WWC1: variants seen among roughly 807,000 people sequenced by gnomAD.
WWC1 encodes WW and C2 domain containing 1, also known as protein KIBRA.
WWC1 carries 55 observed loss-of-function variants against 138.4 expected under a neutral mutation model. The observed-to-expected ratio is 0.40, with a 90% CI of 0.32 to 0.50. WWC1 has a LOEUF of 0.50. Among genes scored for constraint, WWC1 ranks in the 20% least tolerant of loss-of-function variants. The pLI is 0.72. For missense variants in WWC1, 1,226 were observed against 1,420.4 expected (o/e 0.86, Z 2.20); for synonymous variants, 524 against 564.9 (o/e 0.93, Z 1.03).
chr5:168,341,548 C>A (rs927383580), intron 1 of WWC1, among the ~76,000 whole-genome samples: 6 of 152,236 alleles, frequency 3.9e-5, no homozygotes, highest in African/African-American at 1.4e-4. Flanking sequence ...AAATTCCCAT[C>A]CCTGCCTCTC....
Position 168,423,797 on chromosome 5 carries a change from G to C in WWC1, c.1539G>C (p.Glu513Asp). 1.2e-6 allele frequency: 2 copies of C among 1,614,142 alleles called. No homozygotes were observed. The highest frequency in any genetic ancestry group is 1.6e-4 in the Middle Eastern group (1 of 6,062). ...AGGTGGCCAAGACCCAGAAGGCAGAGGGAGGTGGCCGCCTGCAGGCTCTGC... is the reference window on the plus strand; with the variant it reads ...AGGTGGCCAAGACCCAGAAGGCAGACGGAGGTGGCCGCCTGCAGGCTCTGC... ...EDEVAKTQKA[E>D]GGGRLQALRS... Residue 513 changes from glutamate to aspartate, a missense_variant, in exon 11 of 23, where the codon GAG becomes GAC. Around this residue, in one of 3 missense-constraint regions of WWC1, gnomAD observed 1,016 missense variants for 1,153.9 expected, o/e 0.88. Transcript: ENST00000265293.
intron 1 of WWC1, among the ~76,000 whole-genome samples, chr5:168,353,693 G>T (rs773135113): frequency 2.0e-5 from 3 of 152,258 alleles, no homozygotes; most frequent in Admixed American, 6.5e-5. Flanking sequence ...TGAAGCCTTA[G>T]TGTCCTCCAC....
intron 1 of WWC1, among the ~76,000 whole-genome samples, chr5:168,358,800 G>A (rs1022158158): frequency 7.4e-5 from 11 of 148,468 alleles, no homozygotes; most frequent in African/African-American, 2.7e-4. Flanking sequence ...ATATATATAT[G>A]TACACATACA....
At chr5:168,403,023 T>C (rs1779446948) in intron 5 of WWC1, among the ~76,000 whole-genome samples, 1 of 115,620 alleles carries the variant, frequency 8.6e-6, no homozygotes, top group Admixed American at 8.6e-5. Flanking sequence ...TCTTTCTTTC[T>C]TTCTTTCTTT....
At chr5:168,303,703 T>C (rs1333815547) in intron 1 of WWC1, among the ~76,000 whole-genome samples, 2 of 152,102 alleles carry the variant, frequency 1.3e-5, no homozygotes, top group African/African-American at 2.4e-5. Context: ...AGAATTTGTA[T>C]TTTCATGGCC....
At chr5:168,369,957 G>C (rs141051281) in intron 1 of WWC1, among the ~76,000 whole-genome samples, 2 of 138,892 alleles carry the variant, frequency 1.4e-5, no homozygotes, top group Non-Finnish European at 1.5e-5. Flanking sequence ...CTGGAGTGCA[G>C]TAGTGTGATC....
intron 20 of WWC1, among the ~76,000 whole-genome samples, chr5:168,461,250 T>TA (rs1161341682): frequency 6.6e-6 from 1 of 151,286 alleles, no homozygotes; most frequent in Non-Finnish European, 1.5e-5. Flanking sequence ...GAGAATCGCT[T>TA]AAACGCAGGA....
At chr5:168,452,614 T>G (rs966431039) in intron 17 of WWC1, among the ~76,000 whole-genome samples, 1 of 152,236 alleles carries the variant, frequency 6.6e-6, no homozygotes, top group Non-Finnish European at 1.5e-5. Flanking sequence ...AGTGGTGTTT[T>G]AGTTTTGCAA....
Position 168,460,719 on chromosome 5 carries a change from C to T in WWC1, c.2893C>T (p.Arg965Ter). The change falls in exon 20 of 23, where the codon CGA becomes TGA. Residue 965 changes from arginine (R) to a stop codon, truncating the protein, a stop_gained. Coordinates refer to ENST00000265293, the MANE Select transcript of WWC1 (RefSeq NM_015238.3). LOFTEE classifies it high-confidence loss of function. Reference sequence around the variant, plus strand: ...ACCTTTTGTTCGAAACTCCCTGGAGCGACGCAGCGTCCGGATGAAGCGGGT... The same window carrying T: ...ACCTTTTGTTCGAAACTCCCTGGAGTGACGCAGCGTCCGGATGAAGCGGGT... Reference protein sequence around the residue: ...KPPFVRNSLERRSVRMKRPSS... With the variant: ...KPPFVRNSLE The T allele has an allele frequency of 6.2e-7, 1 of 1,614,126 alleles. No individual in the cohort carries two copies. The highest frequency in any genetic ancestry group is 8.5e-7 in the Non-Finnish European group (1 of 1,180,026).
Position 168,352,573 on chromosome 5 carries a change from T to TTA in WWC1, c.120-18840_120-18839dup, listed in dbSNP as rs941099830. 5.9e-4 allele frequency among the ~76,000 whole-genome samples: 89 copies of TTA among 150,220 alleles called. 2 individuals are homozygous for TTA. The highest frequency in any genetic ancestry group is 2.0e-4 in the Admixed American group (3 of 15,134). ...CCTTAGTTTTCATCTGAAATGAGGA[T>TTA]TATATATATATAATTTTTTTTTTTT... On this transcript the variant is annotated intron_variant, in intron 1 of 22. Coordinates refer to ENST00000265293, the MANE Select transcript of WWC1 (RefSeq NM_015238.3).
rs113039268 is a variant in WWC1, at chr5:168,302,452, G to A, written c.119+10181G>A. On this transcript the variant is annotated intron_variant, in intron 1 of 22. Coordinates refer to ENST00000265293, the MANE Select transcript of WWC1 (RefSeq NM_015238.3). ...ATCGCATTATGACTGGGGGTTTGAT[G>A]TTCTCTAGAGCTCTTTTAGGAAGGT... Among the ~76,000 whole-genome samples the A allele has an allele frequency of 4.2e-3, 635 of 152,262 alleles. 3 individuals carry two copies. The highest frequency in any genetic ancestry group is 0.024 in the Middle Eastern group (7 of 294).
intron 7 of WWC1, 120 bp downstream of exon 7, chr5:168,408,773 C>G: frequency 7.3e-7 from 1 of 1,371,918 alleles, no homozygotes; most frequent in Non-Finnish European, 1.0e-6. Context: ...CTCTGCAGGG[C>G]TGGCTGCTGC....
At chr5:168,408,734 A>G (rs1780002885) in intron 7 of WWC1, 81 bp downstream of exon 7, 2 of 1,567,820 alleles carry the variant, frequency 1.3e-6, no homozygotes, top group Middle Eastern at 1.7e-4. Context: ...CTGCCTTCTC[A>G]TGGCTCACCA....
At position 168,470,070 on chromosome 5, in the gene WWC1, C is replaced by T. The variant is rs1757607650; in HGVS notation, c.*1053C>T. 0.016 allele frequency: 5 copies of T among 306 alleles called. No individual in the cohort carries two copies. In the South Asian group the frequency reaches 0.31, roughly 19 times the overall value. The allele number at this position is 306 out of a possible 1,614,324, so 0.0% of individuals were successfully genotyped here. On this transcript the variant is annotated 3_prime_UTR_variant, in exon 23 of 23. Coordinates refer to ENST00000265293, the MANE Select transcript of WWC1 (RefSeq NM_015238.3). ...GCATCATCCCATGTCGTCCCCAACC[C>T]AGGGGCTGGTAGGTGCTACAGCTTG...
chr5:168,348,802 C>T (rs1002739459), intron 1 of WWC1, among the ~76,000 whole-genome samples: 2 of 152,092 alleles, frequency 1.3e-5, no homozygotes, highest in African/African-American at 4.8e-5. Context: ...GTATCCAGCC[C>T]CCACACTGCA....
In WWC1 at chr5:168,469,054, G is replaced by A; in HGVS notation, c.*37G>A. On this transcript the variant is annotated 3_prime_UTR_variant, in exon 23 of 23. Coordinates refer to ENST00000265293, the MANE Select transcript of WWC1 (RefSeq NM_015238.3). ...GTATTTCCTTTGTTCCACTGACCAGGCTGTGAACATTGACTGTGGCTAAAG... is the reference window on the plus strand; with the variant it reads ...GTATTTCCTTTGTTCCACTGACCAGACTGTGAACATTGACTGTGGCTAAAG... The A allele has an allele frequency of 1.2e-6, 2 of 1,611,478 alleles. No individual in the cohort carries two copies. The highest frequency in any genetic ancestry group is 1.7e-6 in the Non-Finnish European group (2 of 1,177,632).
rs750795143 is a variant in WWC1, at chr5:168,464,750, C to T, written c.2938C>T (p.Arg980Cys). 13 of 1,614,044 alleles carry T rather than the reference C, an allele frequency of 8.1e-6. No homozygotes were observed. The highest frequency in any genetic ancestry group is 3.3e-5 in the Admixed American group (2 of 60,008). ...ACAGCCTTCCTCGGTCAAGTCGCTG[C>T]GCTCCGAGCGTCTGATCCGTACCTC... ...MKRPSSVKSL[R>C]SERLIRTSLD... Residue 980 changes from arginine to cysteine, a missense_variant, in exon 21 of 23, where the codon CGC becomes TGC. Transcript: ENST00000265293.
chr5:168,368,853 C>T (rs963169876), intron 1 of WWC1, among the ~76,000 whole-genome samples: 4 of 152,146 alleles, frequency 2.6e-5, no homozygotes, highest in East Asian at 1.9e-4. Context: ...AGGGTGGTGG[C>T]GGGTGGCCTG....
intron 1 of WWC1, among the ~76,000 whole-genome samples, chr5:168,368,127 G>A (rs1582057935): frequency 1.3e-5 from 1 of 74,344 alleles, no homozygotes; most frequent in Admixed American, 1.8e-4. Flanking sequence ...TTTTGTTCTT[G>A]TTACCCAGGC....
Sources: allele counts gnomAD v4.1 joint callset (sites outside exome capture counted in the v4.1 genomes callset), GRCh38; gene constraint gnomAD v4.1.1; regional missense constraint gnomAD v4.1.1; transcripts MANE v1.5; gene names NCBI Gene and HGNC (gene_info 2026-07-23, HGNC 2026-07-21).